NPDC1: variants seen among roughly 807,000 people sequenced by gnomAD.
The protein encoded by NPDC1 is neural proliferation differentiation and control protein 1.
NPDC1 carries 18 observed loss-of-function variants against 32.5 expected under a neutral mutation model. The observed-to-expected ratio is 0.55, with a 90% CI of 0.38 to 0.82. The LOEUF (loss-of-function observed/expected upper bound fraction) is 0.82, where lower values mean the gene tolerates loss of function less well. NPDC1 is among the 40% of genes least tolerant of loss of function. The pLI is 0.00. For missense variants in NPDC1, 468 were observed against 406.6 expected (o/e 1.15, Z -1.30); for synonymous variants, 210 against 184.7 (o/e 1.14, Z -1.11).
chr9:137,046,000 C>G lies in NPDC1; in HGVS notation c.-11G>C. The G allele has an allele frequency of 1.7e-6, 2 of 1,192,414 alleles. No individual in the cohort carries two copies. The highest frequency in any genetic ancestry group is 2.1e-6 in the Non-Finnish European group (2 of 962,450). 73.9% of individuals were successfully genotyped at this position (1,192,414 alleles called of 1,614,324 possible). On this transcript the variant is annotated 5_prime_UTR_variant, in exon 1 of 9. Transcript: ENST00000371601. The stretch of plus-strand genomic sequence containing the variant: ...CAGCGGCGTCGCCATCCTTCAGCGC[C>G]GCCGCCGGGGCAGCATGGCACCGCG...
intron 2 of NPDC1, among the ~76,000 whole-genome samples, chr9:137,042,559 CTTTTTTTTTTTTT>C (rs59591013): frequency 3.2e-4 from 21 of 65,714 alleles, no homozygotes; most frequent in Middle Eastern, 0.029. Context: ...TCCCGGCCTT[CTTTTTTTTTTTTT>C]TTTTTTTTGA....
chr9:137,040,336 A>G (rs1029347615), intron 7 of NPDC1, 21 bp downstream of exon 7: 3 of 1,532,128 alleles, frequency 2.0e-6, no homozygotes, highest in Middle Eastern at 2.3e-4. Context: ...TGGGGGTGGC[A>G]GTGCCGGGGC....
Position 137,046,137 on chromosome 9 carries a change from G to C in NPDC1, c.-148C>G. The C allele has an allele frequency of 1.8e-6, 2 of 1,096,152 alleles. No individual in the cohort carries two copies. The highest frequency in any genetic ancestry group is 2.2e-6 in the Non-Finnish European group (2 of 900,456). 67.9% of individuals were successfully genotyped at this position (1,096,152 alleles called of 1,614,324 possible). A position where few individuals can be genotyped will look rare whatever the true frequency, so the allele number is the denominator to read the frequency against. ...TGCCAAGGAGGAGGAGGAGGAAGAG[G>C]AAAGGCACGGGCGGCGGCGCTGACG... On this transcript the variant is annotated 5_prime_UTR_variant, in exon 1 of 9. Coordinates refer to ENST00000371601, the MANE Select transcript of NPDC1 (RefSeq NM_015392.4).
Position 137,040,447 on chromosome 9 carries a change from G to A in NPDC1, c.709-11C>T, listed in dbSNP as rs1197633748. 1.3e-6 allele frequency: 2 copies of A among 1,557,762 alleles called. No individual in the cohort carries two copies. The highest frequency in any genetic ancestry group is 1.4e-5 in the African/African-American group (1 of 73,370). ...CCGCTGGTCCCCAGGCTGTGGGAAG[G>A]AGGAGGCGAGGGTCAGTTGGCGGCC... On this transcript the variant is annotated splice_polypyrimidine_tract_variant and intron_variant, in intron 6 of 8. Coordinates refer to ENST00000371601, the MANE Select transcript of NPDC1 (RefSeq NM_015392.4).
intron 2 of NPDC1, among the ~76,000 whole-genome samples, chr9:137,041,400 G>A (rs1175681824): frequency 2.0e-5 from 3 of 152,198 alleles, no homozygotes; most frequent in Non-Finnish European, 4.4e-5. Context: ...AAGGGAGGAG[G>A]CGCTAGGGAA....
intron 2 of NPDC1, 93 bp from the exon 3 acceptor site, chr9:137,041,280 G>A: frequency 1.6e-6 from 2 of 1,287,252 alleles, no homozygotes; most frequent in Non-Finnish European, 1.0e-6. Context: ...CCTCCCAGGA[G>A]CCTGAGGACT....
In NPDC1 at chr9:137,040,444, AAGG is replaced by A. The variant is rs754830683; in HGVS notation, c.709-11_709-9del. On this transcript the variant is annotated splice_polypyrimidine_tract_variant and intron_variant, in intron 6 of 8. Transcript: ENST00000371601. The stretch of plus-strand genomic sequence containing the variant: ...CAGCCGCTGGTCCCCAGGCTGTGGG[AAGG>A]AGGAGGCGAGGGTCAGTTGGCGGCC... 58 of 1,556,796 alleles carry A rather than the reference AAGG, an allele frequency of 3.7e-5. 1 individual carries two copies. The African/African-American group carries it at 5.6e-4, about 15-fold the overall frequency.
Position 137,046,108 on chromosome 9 carries a change from C to T in NPDC1, c.-119G>A, listed in dbSNP as rs1832126180. 3 of 1,086,626 alleles carry T rather than the reference C, an allele frequency of 2.8e-6. No homozygotes were observed. Among genetic ancestry groups the T allele is most frequent in the Non-Finnish European group, 3.4e-6 (3 of 894,326 alleles). The allele number at this position is 1,086,626 out of a possible 1,614,324, so 67.3% of individuals were successfully genotyped here. Reference sequence around the variant, plus strand: ...GGGAGGACGCAGGAGGAAGAAGAGGCGGATGCCAAGGAGGAGGAGGAGGAA... The same window carrying T: ...GGGAGGACGCAGGAGGAAGAAGAGGTGGATGCCAAGGAGGAGGAGGAGGAA... On this transcript the variant is annotated 5_prime_UTR_variant, in exon 1 of 9. Transcript: ENST00000371601.
Position 137,040,575 on chromosome 9 carries a change from G to C in NPDC1, c.647C>G (p.Thr216Ser), listed in dbSNP as rs987283692. 5 of 1,578,692 alleles carry C rather than the reference G, an allele frequency of 3.2e-6. No homozygotes were observed. The highest frequency in any genetic ancestry group is 4.3e-6 in the Non-Finnish European group (5 of 1,168,184). ...CGCAGTGGCGTAGTCGGCCTTCTGAGTCAGGCGGATCTCACGCTGCAGCCT... is the reference window on the plus strand; with the variant it reads ...CGCAGTGGCGTAGTCGGCCTTCTGACTCAGGCGGATCTCACGCTGCAGCCT... ...WCRLQREIRL[T>S]QKADYATAKA... The change falls in exon 6 of 9, where the codon ACT becomes AGT. Residue 216 changes from threonine (T) to serine (S), a missense_variant. Transcript: ENST00000371601.
chr9:137,042,833 C>G, intron 2 of NPDC1, 94 bp downstream of exon 2: 1 of 1,459,538 alleles, frequency 6.9e-7, no homozygotes, highest in Non-Finnish European at 9.2e-7. Flanking sequence ...GCTGGGATTA[C>G]AGGCATGAGC....
chr9:137,040,921 G>T lies in NPDC1; in HGVS notation c.449C>A (p.Thr150Asn), dbSNP rs1265403187. The T allele has an allele frequency of 6.4e-7, 1 of 1,565,808 alleles. No homozygotes were observed. Among genetic ancestry groups the T allele is most frequent in the East Asian group, 2.3e-5 (1 of 44,190 alleles). Reference protein sequence around the residue: ...LELGLPSTPGTPTPTPHTSLG... With the variant: ...LELGLPSTPGNPTPTPHTSLG... The stretch of plus-strand genomic sequence containing the variant: ...GGAGGTGTGGGGCGTGGGCGTGGGG[G>T]TTCCTGGAGTGGAGGGGAGGCCCAG... The change falls in exon 4 of 9, where the codon ACC becomes AAC. Residue 150 changes from threonine to asparagine, a missense_variant. Coordinates refer to ENST00000371601, the MANE Select transcript of NPDC1 (RefSeq NM_015392.4).
In NPDC1 at chr9:137,042,920, C is replaced by A; in HGVS notation, c.259+7G>T. Reference sequence around the variant, plus strand: ...CCCCCCATCGACTTCCCCCTTTGCTCTCGTACCTGGAGGCCGGCGCATCCT... The same window carrying A: ...CCCCCCATCGACTTCCCCCTTTGCTATCGTACCTGGAGGCCGGCGCATCCT... On this transcript the variant is annotated splice_region_variant and intron_variant, in intron 2 of 8. Transcript: ENST00000371601. 1 of 1,589,596 alleles carries A rather than the reference C, an allele frequency of 6.3e-7. No individual in the cohort carries two copies. The highest frequency in any genetic ancestry group is 1.8e-5 in the Admixed American group (1 of 56,624).
chr9:137,043,073 T>C lies in NPDC1; in HGVS notation c.113A>G (p.Asp38Gly). 1 of 1,612,368 alleles carries C rather than the reference T, an allele frequency of 6.2e-7. No homozygotes were observed. Among genetic ancestry groups the C allele is most frequent in the Non-Finnish European group, 8.5e-7 (1 of 1,179,746 alleles). ...CAGGCTCCCGGGACAGGCGGCTACA[T>C]CTGGGAAGGAAGCAGAAGGCAGGGC... is the stretch of plus-strand genomic sequence containing the variant. ...ALRGAAAGHP[D>G]VAACPGSLDC... Residue 38 changes from aspartate to glycine, a missense_variant and splice_region_variant, in exon 2 of 9, where the codon GAT becomes GGT. Coordinates refer to ENST00000371601, the MANE Select transcript of NPDC1 (RefSeq NM_015392.4).
At position 137,040,373 on chromosome 9, in the gene NPDC1, T is replaced by C. The variant is rs1201736819; in HGVS notation, c.772A>G (p.Met258Val). The C allele has an allele frequency of 1.3e-6, 2 of 1,545,328 alleles. No homozygotes were observed. Among genetic ancestry groups the C allele is most frequent in the African/African-American group, 1.4e-5 (1 of 72,788 alleles). ...MYHYQHQRQQ[M>V]LCLERHKEPP... is the part of the protein sequence containing the mutation. ...GCCACTCACCGCTCCAGGCACAGCATCTGTTGCCGTTGGTGCTGGTAGTGG... is the reference window on the plus strand; with the variant it reads ...GCCACTCACCGCTCCAGGCACAGCACCTGTTGCCGTTGGTGCTGGTAGTGG... Residue 258 changes from methionine to valine, a missense_variant, in exon 7 of 9, where the codon ATG becomes GTG. Transcript: ENST00000371601.
At position 137,046,094 on chromosome 9, in the gene NPDC1, G is replaced by A. The variant is rs1339588422; in HGVS notation, c.-105C>T. 3.3e-5 allele frequency: 36 copies of A among 1,087,594 alleles called. No homozygotes were observed. Among genetic ancestry groups the A allele is most frequent in the Non-Finnish European group, 4.0e-5 (36 of 894,860 alleles). 67.4% of individuals were successfully genotyped at this position (1,087,594 alleles called of 1,614,324 possible). On this transcript the variant is annotated 5_prime_UTR_variant, in exon 1 of 9. Coordinates refer to ENST00000371601, the MANE Select transcript of NPDC1 (RefSeq NM_015392.4). ...AGCGGAGGCAGCGGGGGAGGACGCA[G>A]GAGGAAGAAGAGGCGGATGCCAAGG...
Position 137,040,833 on chromosome 9 carries a change from T to A in NPDC1, c.537A>T (p.Gln179His), listed in dbSNP as rs767832301. 1.3e-6 allele frequency: 2 copies of A among 1,596,028 alleles called. No individual in the cohort carries two copies. Among genetic ancestry groups the A allele is most frequent in the Non-Finnish European group, 1.7e-6 (2 of 1,175,228 alleles). Residue 179 changes from glutamine to histidine, a missense_variant, in exon 4 of 9, where the codon CAA (glutamine) becomes CAT (histidine). Gln to His is a conservative substitution (Grantham distance 24). Transcript: ENST00000371601. ...HMSPLEPRGG[Q>H]GDGLALVLIL... Reference sequence around the variant, plus strand: ...ACCTACCAAGGGCGAGGCCGTCGCCTTGCCCTCCCCGGGGCTCCAGGGGCG... The same window carrying A: ...ACCTACCAAGGGCGAGGCCGTCGCCATGCCCTCCCCGGGGCTCCAGGGGCG...
Position 137,046,081 on chromosome 9 carries a change from G to C in NPDC1, c.-92C>G, listed in dbSNP as rs925959137. 28 of 1,100,144 alleles carry C rather than the reference G, an allele frequency of 2.5e-5. No homozygotes were observed. In the East Asian group the frequency reaches 1.3e-3, roughly 50 times the overall value. The allele number at this position is 1,100,144 out of a possible 1,614,324, so 68.1% of individuals were successfully genotyped here. On this transcript the variant is annotated 5_prime_UTR_variant, in exon 1 of 9. Coordinates refer to ENST00000371601, the MANE Select transcript of NPDC1 (RefSeq NM_015392.4). ...CCGCGTCGGGAGCAGCGGAGGCAGC[G>C]GGGGAGGACGCAGGAGGAAGAAGAG...
At chr9:137,042,051 G>A (rs566959730) in intron 2 of NPDC1, among the ~76,000 whole-genome samples, 162 of 152,338 alleles carry the variant, frequency 1.1e-3, no homozygotes, top group African/African-American at 3.7e-3. Context: ...TTCCTCTCCC[G>A]TGGCCATCCC....
In NPDC1 at chr9:137,046,065, G is replaced by C; in HGVS notation, c.-76C>G. The C allele has an allele frequency of 8.8e-7, 1 of 1,133,602 alleles. No individual in the cohort carries two copies. Among genetic ancestry groups the C allele is most frequent in the Non-Finnish European group, 1.1e-6 (1 of 924,044 alleles). The allele number at this position is 1,133,602 out of a possible 1,614,324, so 70.2% of individuals were successfully genotyped here. On this transcript the variant is annotated 5_prime_UTR_variant, in exon 1 of 9. Coordinates refer to ENST00000371601, the MANE Select transcript of NPDC1 (RefSeq NM_015392.4). Reference sequence around the variant, plus strand: ...GCGCGGGCTCCGGGCTCCGCGTCGGGAGCAGCGGAGGCAGCGGGGGAGGAC... The same window carrying C: ...GCGCGGGCTCCGGGCTCCGCGTCGGCAGCAGCGGAGGCAGCGGGGGAGGAC...
Sources: allele counts gnomAD v4.1 joint callset (sites outside exome capture counted in the v4.1 genomes callset), GRCh38; gene constraint gnomAD v4.1.1; transcripts MANE v1.5; gene names NCBI Gene and HGNC (gene_info 2026-07-23, HGNC 2026-07-21).